The following NECAB1 variants were observed in gnomAD, a reference collection of about 807,000 sequenced individuals.
NECAB1 encodes the protein N-terminal EF-hand calcium binding protein 1.
In NECAB1, 29 loss-of-function variants were observed where a neutral mutation model predicts 57.5. The observed-to-expected ratio is 0.50, with a 90% CI of 0.38 to 0.69. The LOEUF (loss-of-function observed/expected upper bound fraction) is 0.69. NECAB1 is among the 30% of genes least tolerant of loss of function. The probability of loss-of-function intolerance (pLI) is 0.00; values close to 1 mark genes in which losing one functional copy is unlikely to be tolerated. For missense variants in NECAB1, 372 were observed against 413.8 expected, an observed-to-expected ratio of 0.90 and a Z score of 0.88; for synonymous variants, 142 against 147.7, an observed-to-expected ratio of 0.96 and a Z score of 0.28.
intron 8 of NECAB1, among the ~76,000 whole-genome samples, chr8:90,932,168 A>G (rs185495793): frequency 2.0e-5 from 3 of 152,290 alleles, no homozygotes; most frequent in Admixed American, 2.0e-4. Context: ...TCAGGGAAAT[A>G]GTGGTCAAGG....
intron 3 of NECAB1, among the ~76,000 whole-genome samples, chr8:90,834,486 T>A (rs1003906853): frequency 4.6e-5 from 7 of 152,158 alleles, no homozygotes; most frequent in African/African-American, 1.7e-4. Context: ...CTTCCACTTA[T>A]GTAAGGATAC....
chr8:90,917,870 A>ATATATGTG lies in NECAB1; in HGVS notation c.494+243_494+244insATATGTGT, dbSNP rs1554575432. 4.9e-3 allele frequency among the ~76,000 whole-genome samples: 312 copies of ATATATGTG among 64,262 alleles called. 4 individuals carry two copies. The highest frequency in any genetic ancestry group is 6.8e-3 in the Non-Finnish European group (273 of 39,994). The allele number at this position is 64,262 out of a possible 152,430, so 42.2% of individuals were successfully genotyped here. A position where few individuals can be genotyped will look rare whatever the true frequency, so the allele number is the denominator to read the frequency against. Reference sequence around the variant, plus strand: ...TATATATATATATATATATATATATATGTGTGTGTGTGCGTGTATATATAT... The same window carrying ATATATGTG: ...TATATATATATATATATATATATATATATATGTGTGTGTGTGTGTGCGTGTATATATAT... On this transcript the variant is annotated intron_variant, in intron 6 of 12. Transcript: ENST00000417640.
chr8:90,792,258 A>T, intron 1 of NECAB1, among the ~76,000 whole-genome samples: 1 of 152,198 alleles, frequency 6.6e-6, no homozygotes, highest in East Asian at 1.9e-4. Flanking sequence ...TGCAAATACA[A>T]CAGACAACAT....
Position 90,926,389 on chromosome 8 carries a change from T to C in NECAB1, c.616+733T>C, listed in dbSNP as rs566813418. 1.6e-4 allele frequency among the ~76,000 whole-genome samples: 25 copies of C among 152,344 alleles called. 1 individual carries two copies. In the South Asian group the frequency reaches 5.2e-3, roughly 32 times the overall value. On this transcript the variant is annotated intron_variant, in intron 7 of 12. Transcript: ENST00000417640. ...GAGTATTTTTATGAATAAAGCCTTA[T>C]TTTATCTTGACACCTGATAAAATAG...
chr8:90,808,547 C>T (rs1811893542), intron 2 of NECAB1, among the ~76,000 whole-genome samples: 1 of 151,732 alleles, frequency 6.6e-6, no homozygotes, highest in African/African-American at 2.4e-5. Context: ...ATAGATCATA[C>T]ACAGAAACTC....
intron 3 of NECAB1, among the ~76,000 whole-genome samples, chr8:90,856,582 G>T (rs1410878579): frequency 6.6e-6 from 1 of 152,242 alleles, no homozygotes; most frequent in South Asian, 2.1e-4. Flanking sequence ...TAATGGAACA[G>T]AAATTGAATA....
intron 5 of NECAB1, among the ~76,000 whole-genome samples, chr8:90,910,898 C>T (rs1380356192): frequency 6.6e-6 from 1 of 151,928 alleles, no homozygotes; most frequent in Non-Finnish European, 1.5e-5. Context: ...GCCTACACAT[C>T]CAGCAACACC....
chr8:90,955,652 C>T lies in NECAB1; in HGVS notation c.*140C>T. The T allele has an allele frequency of 1.9e-6, 1 of 524,184 alleles. No individual in the cohort carries two copies. The highest frequency in any genetic ancestry group is 3.3e-5 in the South Asian group (1 of 30,584). 32.5% of individuals were successfully genotyped at this position (524,184 alleles called of 1,614,324 possible). On this transcript the variant is annotated 3_prime_UTR_variant, in exon 13 of 13. Coordinates refer to ENST00000417640, the MANE Select transcript of NECAB1 (RefSeq NM_022351.5). ...ATTTACTAAGTGCACTCTTTCAAAA[C>T]TTATTCTATAACTTTATCAATTCAT...
chr8:90,907,909 T>C lies in NECAB1; in HGVS notation c.358-9583T>C, dbSNP rs77422250. On this transcript the variant is annotated intron_variant, in intron 5 of 12. Coordinates refer to ENST00000417640, the MANE Select transcript of NECAB1 (RefSeq NM_022351.5). ...CCAGAAATGTGTCAGTTTTCACATA[T>C]TTATAAACTACTATTTTCCATACAC... Among the ~76,000 whole-genome samples, 865 of 152,312 alleles carry C rather than the reference T, an allele frequency of 5.7e-3. 42 individuals are homozygous for C. In the East Asian group the frequency reaches 0.09, roughly 16 times the overall value.
intron 2 of NECAB1, chr8:90,812,684 A>C (rs953456644): frequency 3.9e-5 from 6 of 152,122 alleles, no homozygotes; most frequent in Non-Finnish European, 5.9e-5. Flanking sequence ...GTTGATTTTA[A>C]ACTGAGAGCA....
intron 2 of NECAB1, among the ~76,000 whole-genome samples, chr8:90,807,015 CT>C (rs1811857960): frequency 6.6e-6 from 1 of 152,014 alleles, no homozygotes; most frequent in African/African-American, 2.4e-5. Flanking sequence ...GTATATGCAC[CT>C]ATGTCACCTA....
chr8:90,927,357 T>G (rs567972864), intron 7 of NECAB1, among the ~76,000 whole-genome samples: 6 of 152,208 alleles, frequency 3.9e-5, no homozygotes, highest in African/African-American at 1.4e-4. Context: ...TTAGGTCTTG[T>G]CTTTATTGCA....
At chr8:90,934,158 A>T (rs907201079) in intron 8 of NECAB1, 146 bp from the exon 9 acceptor site, 12 of 589,222 alleles carry the variant, frequency 2.0e-5, no homozygotes, top group Admixed American at 1.9e-4. Flanking sequence ...GCTGAGTTTT[A>T]AAAAAATCAG....
intron 3 of NECAB1, among the ~76,000 whole-genome samples, chr8:90,827,622 T>G (rs963332733): frequency 1.6e-4 from 24 of 151,946 alleles, no homozygotes; most frequent in Non-Finnish European, 1.5e-5. Context: ...GCTTGAGGAG[T>G]GACTTATCCA....
intron 5 of NECAB1, among the ~76,000 whole-genome samples, chr8:90,884,733 ATCT>A (rs1243461856): frequency 2.0e-5 from 3 of 152,188 alleles, no homozygotes; most frequent in African/African-American, 7.2e-5. Context: ...TTTATTTGAC[ATCT>A]TCTTTTTTCC....
chr8:90,940,938 C>A (rs781552433), intron 10 of NECAB1, 40 bp downstream of exon 10: 7 of 1,439,412 alleles, frequency 4.9e-6, no homozygotes, highest in Non-Finnish European at 9.6e-7. Flanking sequence ...CTTTGGCAGC[C>A]TGGGAATACA....
intron 1 of NECAB1, among the ~76,000 whole-genome samples, chr8:90,798,709 C>T (rs1293265842): frequency 6.6e-6 from 1 of 152,120 alleles, no homozygotes. Context: ...CTGATGGGCA[C>T]TTAAGTTGAT....
chr8:90,892,760 C>T (rs1172037350), intron 5 of NECAB1, among the ~76,000 whole-genome samples: 2 of 152,214 alleles, frequency 1.3e-5, no homozygotes, highest in African/African-American at 4.8e-5. Flanking sequence ...CCAGTGTTGT[C>T]TACAGACCAT....
intron 12 of NECAB1, 106 bp from the exon 13 acceptor site, chr8:90,955,381 G>T: frequency 1.3e-6 from 1 of 785,018 alleles, no homozygotes; most frequent in Non-Finnish European, 2.1e-6. Context: ...TTATTATGCA[G>T]ACTAAAGGTA....
Sources: gnomAD v4.1 joint callset for allele counts (sites outside exome capture counted in the v4.1 genomes callset) on GRCh38, gnomAD v4.1.1 for gene constraint, MANE v1.5 for transcripts, NCBI Gene and HGNC (gene_info 2026-07-23, HGNC 2026-07-21) for gene names.